The following HNF4G variants were observed in gnomAD, a reference collection of about 807,000 sequenced individuals.
HNF4G encodes the protein hepatocyte nuclear factor 4 gamma.
A neutral mutation model predicts 50.9 loss-of-function variants in HNF4G; 21 were observed. The ratio of observed to expected loss-of-function variants is 0.41; its 90% CI spans 0.29 to 0.59. HNF4G has a LOEUF of 0.59. HNF4G is among the 20% of genes least tolerant of loss of function. The pLI, the probability that HNF4G is intolerant of heterozygous loss-of-function variation, is 0.26. For missense variants in HNF4G, 527 were observed against 559.4 expected (o/e 0.94, Z 0.58); for synonymous variants, 198 against 185.6 (o/e 1.07, Z -0.54).
At chr8:75,543,080 G>A (rs1013887337) in intron 1 of HNF4G, among the ~76,000 whole-genome samples, 2 of 152,092 alleles carry the variant, frequency 1.3e-5, no homozygotes, top group African/African-American at 2.4e-5. Flanking sequence ...GGTGACACAC[G>A]TCTGTAATCT....
intron 1 of HNF4G, among the ~76,000 whole-genome samples, chr8:75,468,551 G>C (rs192041495): frequency 6.6e-6 from 1 of 151,960 alleles, no homozygotes; most frequent in Non-Finnish European, 1.5e-5. Flanking sequence ...AAAATTAGCC[G>C]AGTGTGGTGG....
At chr8:75,488,436 G>T (rs915581712) in intron 1 of HNF4G, among the ~76,000 whole-genome samples, 2 of 151,188 alleles carry the variant, frequency 1.3e-5, no homozygotes, top group African/African-American at 2.4e-5. Flanking sequence ...ACCATGCCTG[G>T]CTATTTTTTT....
chr8:75,535,970 C>A (rs1053901256), upstream of HNF4G, among the ~76,000 whole-genome samples: 1 of 151,838 alleles, frequency 6.6e-6, no homozygotes, highest in African/African-American at 2.4e-5. Flanking sequence ...ATTTCACATG[C>A]CAGTTGCTTG....
chr8:75,490,663 G>A (rs1373940907), intron 2 of HNF4G, among the ~76,000 whole-genome samples: 1 of 152,044 alleles, frequency 6.6e-6, no homozygotes, highest in African/African-American at 2.4e-5. Context: ...TTCTGAAAAA[G>A]ATGGCAAGTG....
intron 2 of HNF4G, among the ~76,000 whole-genome samples, chr8:75,507,581 A>G (rs1329396412): frequency 6.6e-6 from 1 of 152,206 alleles, no homozygotes; most frequent in African/African-American, 2.4e-5. Context: ...TCTAATTGAC[A>G]TAAATTTTAA....
At position 75,484,470 on chromosome 8, in the gene HNF4G, TCTC is replaced by T. The variant is rs564420838; in HGVS notation, c.-143-5616_-143-5614del. Among the ~76,000 whole-genome samples the T allele has an allele frequency of 1.8e-4, 28 of 152,304 alleles. 1 individual carries two copies. In the South Asian group the frequency reaches 5.6e-3, roughly 30 times the overall value. On this transcript the variant is annotated intron_variant, in intron 1 of 10. Coordinates refer to the HNF4G transcript ENST00000354370. ...CCCATCTCAAGGGCCTCCCTGGAATTCTCCTGGCCATCCTCTTTGCCTGGCTAC... is the reference window on the plus strand; with the variant it reads ...CCCATCTCAAGGGCCTCCCTGGAATTCTGGCCATCCTCTTTGCCTGGCTAC...
chr8:75,487,879 T>C (rs1812531680), intron 1 of HNF4G, among the ~76,000 whole-genome samples: 1 of 152,078 alleles, frequency 6.6e-6, no homozygotes, highest in Admixed American at 6.6e-5. Flanking sequence ...CTCACAATCA[T>C]GGTGGAAGGG....
chr8:75,459,355 T>C (rs1317246080), intron 1 of HNF4G, among the ~76,000 whole-genome samples: 2 of 152,212 alleles, frequency 1.3e-5, no homozygotes, highest in Admixed American at 6.6e-5. Flanking sequence ...CTAATGTACA[T>C]GCAGAATTTT....
intron 2 of HNF4G, among the ~76,000 whole-genome samples, chr8:75,529,114 G>T (rs1806257539): frequency 7.0e-6 from 1 of 143,076 alleles, no homozygotes; most frequent in Admixed American, 6.8e-5. Flanking sequence ...GTGAAACCCC[G>T]TCTTTACTAA....
In HNF4G at chr8:75,528,165, G is replaced by A. The variant is rs60583380; in HGVS notation, c.-23-15646G>A. Among the ~76,000 whole-genome samples the A allele has an allele frequency of 7.5e-3, 1,148 of 152,306 alleles. 18 individuals are homozygous for A. Among genetic ancestry groups the A allele is most frequent in the African/African-American group, 0.026 (1,086 of 41,558 alleles). On this transcript the variant is annotated intron_variant, in intron 2 of 10. Transcript: ENST00000354370. ...ATATGAGTGGCCCATGTAGTAGGTA[G>A]AAAATGAGGGCAAGTCCATGGATAT...
chr8:75,554,581 A>G (rs1038189881), intron 5 of HNF4G, among the ~76,000 whole-genome samples: 2 of 152,196 alleles, frequency 1.3e-5, no homozygotes, highest in Non-Finnish European at 2.9e-5. Flanking sequence ...ACTGAACCCT[A>G]GATCAGTAAA....
Position 75,553,171 on chromosome 8 carries a change from T to G in HNF4G, c.619T>G (p.Phe207Val). The G allele has an allele frequency of 6.2e-7, 1 of 1,612,964 alleles. No individual in the cohort carries two copies. The highest frequency in any genetic ancestry group is 8.5e-7 in the Non-Finnish European group (1 of 1,179,216). ...LVEWAKYIPA[F>V]CELPLDDQVA... ...GGAATGGGCTAAATATATTCCTGCCTTCTGTGAATTACCATTGGATGATCA... is the reference window on the plus strand; with the variant it reads ...GGAATGGGCTAAATATATTCCTGCCGTCTGTGAATTACCATTGGATGATCA... Residue 207 changes from phenylalanine (F) to valine (V), a missense_variant, in exon 5 of 10, where the codon TTC becomes GTC. Phe to Val is a conservative substitution (Grantham distance 50). Coordinates refer to ENST00000396423, the MANE Select transcript of HNF4G (RefSeq NM_004133.5).
intron 1 of HNF4G, among the ~76,000 whole-genome samples, chr8:75,435,085 A>T (rs1395625648): frequency 6.6e-6 from 1 of 152,218 alleles, no homozygotes; most frequent in Non-Finnish European, 1.5e-5. Context: ...TGTAATTTTG[A>T]TATCAAACCA....
At chr8:75,476,417 G>T (rs559761800) in intron 1 of HNF4G, among the ~76,000 whole-genome samples, 11 of 152,244 alleles carry the variant, frequency 7.2e-5, no homozygotes, top group African/African-American at 2.6e-4. Flanking sequence ...ACCACCAATA[G>T]GGTATAAGCA....
At chr8:75,461,378 C>G (rs1241067121) in intron 1 of HNF4G, among the ~76,000 whole-genome samples, 1 of 152,122 alleles carries the variant, frequency 6.6e-6, no homozygotes, top group Non-Finnish European at 1.5e-5. Flanking sequence ...ATTACCCAAC[C>G]TCAGCTTCTG....
At chr8:75,444,126 A>G (rs910101314) in intron 1 of HNF4G, among the ~76,000 whole-genome samples, 3 of 152,060 alleles carry the variant, frequency 2.0e-5, no homozygotes, top group African/African-American at 7.2e-5. Flanking sequence ...CCAATATTCA[A>G]CATTCTTAAA....
chr8:75,409,558 G>T (rs529549770), intron 1 of HNF4G, among the ~76,000 whole-genome samples: 112 of 135,446 alleles, frequency 8.3e-4, no homozygotes, highest in Admixed American at 1.5e-3. Flanking sequence ...GCACAATCTC[G>T]GCTCACTGCA....
chr8:75,438,183 C>T (rs373485264), intron 1 of HNF4G, among the ~76,000 whole-genome samples: 1 of 152,286 alleles, frequency 6.6e-6, no homozygotes, highest in East Asian at 1.9e-4. Context: ...TATACATAAA[C>T]ATATGCATAT....
intron 1 of HNF4G, among the ~76,000 whole-genome samples, chr8:75,416,643 G>T (rs73341164): frequency 0.024 from 3,597 of 152,168 alleles, 139 homozygotes; most frequent in African/African-American, 0.081. Context: ...TGCCTCTTTT[G>T]TGTGATCAGT....
Sources: allele counts gnomAD v4.1 joint callset (sites outside exome capture counted in the v4.1 genomes callset), GRCh38; gene constraint gnomAD v4.1.1; transcripts MANE v1.5; gene names NCBI Gene and HGNC (gene_info 2026-07-23, HGNC 2026-07-21).